TGFBR2: variants seen among roughly 807,000 people sequenced by gnomAD.
The protein encoded by TGFBR2 is transforming growth factor beta receptor 2, also known as TGF-beta receptor type-2.
A neutral mutation model predicts 49.0 loss-of-function variants in TGFBR2; 18 were observed. The observed-to-expected ratio is 0.37, with a 90% CI of 0.25 to 0.54. TGFBR2 has a LOEUF of 0.54. TGFBR2 is among the 20% of genes least tolerant of loss of function. TGFBR2 has a pLI of 0.85. For synonymous variants in TGFBR2, 282 were observed against 275.9 expected, an observed-to-expected ratio of 1.02 and a Z score of -0.22; for missense variants, 525 against 722.6, an observed-to-expected ratio of 0.73 and a Z score of 3.13.
At chr3:30,653,823 C>T (rs1698945295) in intron 3 of TGFBR2, among the ~76,000 whole-genome samples, 5 of 152,158 alleles carry the variant, frequency 3.3e-5, no homozygotes, top group Admixed American at 3.3e-4. Flanking sequence ...AACATACTGT[C>T]GCTGTGCAGG....
intron 3 of TGFBR2, among the ~76,000 whole-genome samples, chr3:30,659,774 C>A (rs1419491134): frequency 6.6e-6 from 1 of 151,732 alleles, no homozygotes. Flanking sequence ...AGCCTCAGGT[C>A]TCTCCCACTG....
chr3:30,657,327 G>A (rs1699022819), intron 3 of TGFBR2, among the ~76,000 whole-genome samples: 1 of 152,204 alleles, frequency 6.6e-6, no homozygotes, highest in Non-Finnish European at 1.5e-5. Context: ...TCCTTGGCAA[G>A]AGGCACAACC....
At chr3:30,657,652 C>A (rs1186432631) in intron 3 of TGFBR2, among the ~76,000 whole-genome samples, 1 of 152,214 alleles carries the variant, frequency 6.6e-6, no homozygotes, top group Admixed American at 6.5e-5. Flanking sequence ...TGAATTTTGA[C>A]TGTAAATAGT....
At chr3:30,680,453 C>G (rs1232376424) in intron 5 of TGFBR2, among the ~76,000 whole-genome samples, 1 of 152,080 alleles carries the variant, frequency 6.6e-6, no homozygotes, top group Non-Finnish European at 1.5e-5. Context: ...GTGTCGCAGG[C>G]ATTGTTTAAA....
rs569832149 is a variant in TGFBR2, at chr3:30,628,528, G to GTTTTT, written c.95-16198_95-16194dup. Among the ~76,000 whole-genome samples the GTTTTT allele has an allele frequency of 2.2e-3, 180 of 80,166 alleles. 5 individuals carry two copies. The highest frequency in any genetic ancestry group is 5.1e-3 in the East Asian group (11 of 2,148). The allele number at this position is 80,166 out of a possible 152,430, so 52.6% of individuals were successfully genotyped here. A position where few individuals can be genotyped will look rare whatever the true frequency, so the allele number is the denominator to read the frequency against. On this transcript the variant is annotated intron_variant, in intron 1 of 6. Coordinates refer to ENST00000295754, the MANE Select transcript of TGFBR2 (RefSeq NM_003242.6). The stretch of plus-strand genomic sequence containing the variant: ...AAAAAGCCTTTGAAAAAGCCTGTGG[G>GTTTTT]TTTTTTTTTTTTTTTTTTTTTTTTT...
chr3:30,606,567 T>G, upstream of TGFBR2: 1 of 308,288 alleles, frequency 3.2e-6, no homozygotes, highest in Middle Eastern at 8.6e-4. Context: ...GTTTCCTGTT[T>G]CCCCCGCAGC....
At position 30,672,306 on chromosome 3, in the gene TGFBR2, A is replaced by G. The variant is rs927452109; in HGVS notation, c.1123A>G (p.Ile375Val). 6.2e-7 allele frequency: 1 copy of G among 1,609,472 alleles called. No homozygotes were observed. The highest frequency in any genetic ancestry group is 1.7e-5 in the Admixed American group (1 of 59,844). ...TCCATGTGGGAGGCCCAAGATGCCC[A>G]TCGTGCACAGGGACCTCAAGAGCTC... ...HTPCGRPKMP[I>V]VHRDLKSSNI... Residue 375 changes from isoleucine (I) to valine (V), a missense_variant, in exon 4 of 7, where the codon ATC (isoleucine) becomes GTC (valine). Coordinates refer to ENST00000295754, the MANE Select transcript of TGFBR2 (RefSeq NM_003242.6). The surrounding 1 kb of genome is among the most constrained non-coding windows in gnomAD (Gnocchi z 4.5).
At chr3:30,632,818 A>G (rs1698461361) in intron 1 of TGFBR2, among the ~76,000 whole-genome samples, 1 of 152,230 alleles carries the variant, frequency 6.6e-6, no homozygotes, top group South Asian at 2.1e-4. Flanking sequence ...GGAGGTTTCA[A>G]GAAGTTAAGT....
At chr3:30,636,029 A>G (rs1172413118) in intron 1 of TGFBR2, among the ~76,000 whole-genome samples, 1 of 152,194 alleles carries the variant, frequency 6.6e-6, no homozygotes, top group Non-Finnish European at 1.5e-5. Flanking sequence ...AATATAAGCC[A>G]TAGGAGGGTA....
At chr3:30,655,016 T>C (rs1698968337) in intron 3 of TGFBR2, among the ~76,000 whole-genome samples, 1 of 152,226 alleles carries the variant, frequency 6.6e-6, no homozygotes, top group South Asian at 2.1e-4. Context: ...ATTCTACAGC[T>C]TATTAGCTCT....
At chr3:30,669,541 G>T (rs1000113470) in intron 3 of TGFBR2, among the ~76,000 whole-genome samples, 2 of 152,166 alleles carry the variant, frequency 1.3e-5, no homozygotes, top group African/African-American at 4.8e-5. Context: ...AGGGCTCACA[G>T]ATTGGTTCAA....
At chr3:30,650,588 A>C (rs1237575028) in intron 3 of TGFBR2, 128 bp downstream of exon 3, 1 of 1,026,428 alleles carries the variant, frequency 9.7e-7, no homozygotes, top group Non-Finnish European at 1.5e-6. Context: ...GAGCTCATTC[A>C]GCTGGTGGAA....
intron 5 of TGFBR2, among the ~76,000 whole-genome samples, chr3:30,685,597 A>T (rs1395404634): frequency 2.6e-5 from 4 of 152,190 alleles, no homozygotes; most frequent in Admixed American, 2.6e-4. Flanking sequence ...GGAGAGTGTG[A>T]ATTGCACCAT....
At chr3:30,682,742 A>G (rs1699560459) in intron 5 of TGFBR2, among the ~76,000 whole-genome samples, 1 of 152,210 alleles carries the variant, frequency 6.6e-6, no homozygotes, top group South Asian at 2.1e-4. Context: ...CCAGCTAAGG[A>G]GAGGGCTGCT....
At chr3:30,690,041 C>T (rs1353594720) in intron 6 of TGFBR2, among the ~76,000 whole-genome samples, 8 of 152,218 alleles carry the variant, frequency 5.3e-5, no homozygotes, top group East Asian at 3.9e-4. Context: ...ATGAACTCAT[C>T]GGGTGGGGAG....
At chr3:30,641,766 C>G (rs1488629172) in intron 1 of TGFBR2, among the ~76,000 whole-genome samples, 1 of 151,706 alleles carries the variant, frequency 6.6e-6, no homozygotes, top group African/African-American at 2.4e-5. Context: ...AAGGCTTTCT[C>G]TTGTTGGGTC....
chr3:30,612,236 C>A (rs1039124970), intron 1 of TGFBR2, among the ~76,000 whole-genome samples: 10 of 152,162 alleles, frequency 6.6e-5, no homozygotes, highest in Non-Finnish European at 1.5e-5. Flanking sequence ...GAAGAAATCT[C>A]CAAGATAAGT....
chr3:30,649,297 A>T (rs1217031268), intron 2 of TGFBR2, among the ~76,000 whole-genome samples: 1 of 152,128 alleles, frequency 6.6e-6, no homozygotes, highest in Non-Finnish European at 1.5e-5. Context: ...TTCATGAGGG[A>T]GCAGAGGGAG....
At chr3:30,639,590 G>T (rs1246083866) in intron 1 of TGFBR2, among the ~76,000 whole-genome samples, 1 of 152,198 alleles carries the variant, frequency 6.6e-6, no homozygotes, top group Non-Finnish European at 1.5e-5. Flanking sequence ...TAATATTTGA[G>T]AAGCAGTACT....
Sources: gnomAD v4.1 joint callset for allele counts (sites outside exome capture counted in the v4.1 genomes callset) on GRCh38, gnomAD v4.1.1 for gene constraint, Gnocchi (gnomAD v3.1) non-coding constraint, MANE v1.5 for transcripts, NCBI Gene and HGNC (gene_info 2026-07-23, HGNC 2026-07-21) for gene names.